Variants in ATP2C2 observed in about 807,000 individuals in gnomAD.
ATP2C2 encodes the protein calcium-transporting ATPase type 2C member 2.
A neutral mutation model predicts 110.8 loss-of-function variants in ATP2C2; 171 were observed. That is an observed-to-expected ratio of 1.54 (90% confidence interval 1.36 to 1.75). The LOEUF is 1.75. Ranked by LOEUF, ATP2C2 falls within the 40% of genes most tolerant of loss-of-function variation. The pLI, the probability that ATP2C2 is intolerant of heterozygous loss-of-function variation, is 0.00. For synonymous variants in ATP2C2, 804 were observed against 508.4 expected (o/e 1.58, Z -7.82); for missense variants, 1,963 against 1,235.0 (o/e 1.59, Z -8.84).
intron 7 of ATP2C2, among the ~76,000 whole-genome samples, chr16:84,416,417 G>T (rs1034202284): frequency 6.6e-6 from 1 of 152,234 alleles, no homozygotes; most frequent in African/African-American, 2.4e-5. Flanking sequence ...TTATCTGCCT[G>T]ATTTATTTAC....
At chr16:84,443,407 C>CT (rs1019466211) in intron 15 of ATP2C2, among the ~76,000 whole-genome samples, 3 of 152,156 alleles carry the variant, frequency 2.0e-5, no homozygotes, top group African/African-American at 7.2e-5. Context: ...TGCTGTGTGA[C>CT]TTGTCTCTGA....
In ATP2C2 at chr16:84,422,508, T is replaced by TG. The variant is rs1907435832; in HGVS notation, c.747dup (p.Thr250AspfsTer26). 1 of 1,614,030 alleles carries TG rather than the reference T, an allele frequency of 6.2e-7. No individual in the cohort carries two copies. The highest frequency in any genetic ancestry group is 1.3e-5 in the African/African-American group (1 of 74,908). On this transcript the variant is annotated frameshift_variant, in exon 8 of 27. Coordinates refer to ENST00000262429, the MANE Select transcript of ATP2C2 (RefSeq NM_014861.4). LOFTEE classifies it high-confidence loss of function. ...ACCACCCTCAGCAACATCGTCTTCA[T>TG]GGGGACCCTGGTGCAGTATGGGAGG...
At chr16:84,380,129 C>A (rs1167772665) in intron 1 of ATP2C2, among the ~76,000 whole-genome samples, 1 of 152,124 alleles carries the variant, frequency 6.6e-6, no homozygotes, top group Non-Finnish European at 1.5e-5. Context: ...TGGCCTCCCT[C>A]CCCTGTGATC....
chr16:84,370,428 TTGTGCAAACCCAGGAAA>T (rs1449254855), intron 1 of ATP2C2, among the ~76,000 whole-genome samples: 6 of 152,246 alleles, frequency 3.9e-5, no homozygotes, highest in East Asian at 1.9e-4. Flanking sequence ...AGAGGCAGCC[TTGTGCAAACCCAGGAAA>T]TGTGCAAACC....
intron 21 of ATP2C2, among the ~76,000 whole-genome samples, chr16:84,458,679 G>T (rs78078597): frequency 2.6e-5 from 4 of 152,298 alleles, no homozygotes; most frequent in East Asian, 1.9e-4. Flanking sequence ...AGAAGCAGGC[G>T]ATGTCCTTCA....
chr16:84,370,396 A>C (rs925194196), intron 1 of ATP2C2, among the ~76,000 whole-genome samples: 1 of 152,210 alleles, frequency 6.6e-6, no homozygotes, highest in African/African-American at 2.4e-5. Flanking sequence ...AGGCCAGCTG[A>C]GAAAGAAGCC....
At chr16:84,391,113 CAAAA>C (rs567509863) in intron 1 of ATP2C2, among the ~76,000 whole-genome samples, 12 of 73,290 alleles carry the variant, frequency 1.6e-4, no homozygotes, top group Non-Finnish European at 2.2e-4. Context: ...GACTCAGACT[CAAAA>C]AAAAAAAAAA....
chr16:84,427,091 G>A (rs574509394), intron 11 of ATP2C2, among the ~76,000 whole-genome samples: 1 of 152,220 alleles, frequency 6.6e-6, no homozygotes, highest in Non-Finnish European at 1.5e-5. Flanking sequence ...CCCATGTCTA[G>A]GCTCATGTCA....
chr16:84,445,110 G>T (rs1185516524), intron 15 of ATP2C2, among the ~76,000 whole-genome samples: 1 of 152,114 alleles, frequency 6.6e-6, no homozygotes, highest in Non-Finnish European at 1.5e-5. Flanking sequence ...AGCCCCGGGC[G>T]TTCCTTGACT....
At position 84,460,732 on chromosome 16, in the gene ATP2C2, C is replaced by G; in HGVS notation, c.2412C>G (p.Ala804=). The G allele has an allele frequency of 2.5e-6, 4 of 1,614,156 alleles. No homozygotes were observed. The highest frequency in any genetic ancestry group is 3.4e-6 in the Non-Finnish European group (4 of 1,180,002). Residue 804 remains alanine (A), a synonymous_variant, in exon 24 of 27, where the codon GCC becomes GCG. Transcript: ENST00000262429. ...TGCGGGACACCATCCTCAGCAGAGCCCTCATCCTGAAGATCCTCATGTCCG... is the reference window on the plus strand; with the variant it reads ...TGCGGGACACCATCCTCAGCAGAGCGCTCATCCTGAAGATCCTCATGTCCG... ...RSVRDTILSR[A]LILKILMSAA...
At chr16:84,426,887 A>G (rs7205320) in intron 11 of ATP2C2, among the ~76,000 whole-genome samples, 13,643 of 152,176 alleles carry the variant, frequency 0.09, 1,351 homozygotes, top group African/African-American at 0.24. Flanking sequence ...AGTCATCCCA[A>G]GCCCCTGGGT....
At chr16:84,404,585 C>G (rs527375707) in intron 2 of ATP2C2, 12 of 243,890 alleles carry the variant, frequency 4.9e-5, no homozygotes, top group African/African-American at 2.7e-4. Flanking sequence ...ATGTTTCATG[C>G]ATTCATTCAT....
chr16:84,396,762 T>C (rs1346368299), intron 1 of ATP2C2, among the ~76,000 whole-genome samples: 5 of 151,750 alleles, frequency 3.3e-5, no homozygotes, highest in Non-Finnish European at 7.4e-5. Flanking sequence ...ACATTTTTCT[T>C]TGAAGTAACT....
intron 23 of ATP2C2, chr16:84,459,915 G>C: frequency 7.1e-6 from 2 of 282,912 alleles, no homozygotes; most frequent in East Asian, 8.0e-5. Context: ...CACCCGCTCC[G>C]CCACTTAATA....
intron 1 of ATP2C2, among the ~76,000 whole-genome samples, chr16:84,380,364 C>A (rs1910503739): frequency 1.3e-5 from 2 of 151,958 alleles, no homozygotes; most frequent in South Asian, 2.1e-4. Flanking sequence ...TTTCTTCTTT[C>A]CCTTTTTCCT....
At chr16:84,417,680 C>G (rs1906961163) in intron 7 of ATP2C2, among the ~76,000 whole-genome samples, 1 of 152,118 alleles carries the variant, frequency 6.6e-6, no homozygotes, top group African/African-American at 2.4e-5. Context: ...TTGCTTGAGC[C>G]CAGGAGTTCA....
At chr16:84,418,148 A>G (rs1235749184) in intron 7 of ATP2C2, among the ~76,000 whole-genome samples, 1 of 152,136 alleles carries the variant, frequency 6.6e-6, no homozygotes, top group Non-Finnish European at 1.5e-5. Context: ...GTCGGAGGTG[A>G]TGGGACTCCA....
chr16:84,410,470 G>C, intron 4 of ATP2C2, 98 bp from the exon 5 acceptor site: 1 of 1,369,604 alleles, frequency 7.3e-7, no homozygotes, highest in Non-Finnish European at 1.0e-6. Context: ...CAAGAAGAAA[G>C]GAAATCAATC....
intron 2 of ATP2C2, among the ~76,000 whole-genome samples, chr16:84,399,096 A>T (rs913699158): frequency 1.3e-5 from 2 of 152,264 alleles, no homozygotes; most frequent in African/African-American, 4.8e-5. Flanking sequence ...AGTTTGAATT[A>T]ATTCCTGGCC....
Sources: allele counts gnomAD v4.1 joint callset (sites outside exome capture counted in the v4.1 genomes callset), GRCh38; gene constraint gnomAD v4.1.1; transcripts MANE v1.5; gene names NCBI Gene and HGNC (gene_info 2026-07-23, HGNC 2026-07-21).